PCNT: variants seen among roughly 807,000 people sequenced by gnomAD.
The protein encoded by PCNT is kendrin.
Under a neutral mutation model 380.4 loss-of-function variants are expected in PCNT, and 319 were observed. The observed-to-expected ratio is 0.84, with a 90% CI of 0.77 to 0.92. The LOEUF is 0.92. PCNT is among the 40% of genes least tolerant of loss of function. The pLI, the probability that PCNT is intolerant of heterozygous loss-of-function variation, is 0.00. For missense variants in PCNT, 4,400 were observed against 4,255.3 expected, an observed-to-expected ratio of 1.03 and a Z score of -0.95; for synonymous variants, 1,845 against 1,735.2, an observed-to-expected ratio of 1.06 and a Z score of -1.57.
chr21:46,359,170 C>T (rs1379673617), intron 13 of PCNT, among the ~76,000 whole-genome samples: 5 of 151,834 alleles, frequency 3.3e-5, no homozygotes, highest in Admixed American at 6.6e-5. Context: ...CCAGGCTGGT[C>T]TCAAACTCCT....
At position 46,430,610 on chromosome 21, in the gene PCNT, C is replaced by A; in HGVS notation, c.8017C>A (p.Gln2673Lys). The A allele has an allele frequency of 6.4e-7, 1 of 1,569,420 alleles. No homozygotes were observed. Among genetic ancestry groups the A allele is most frequent in the Non-Finnish European group, 8.6e-7 (1 of 1,157,832 alleles). ...CCTGCAGAGCCAGCTGGAGGAGGAG[C>A]AGCTGCGGCACCTGCAGAGGGAGAG... ...RALQSQLEEE[Q>K]LRHLQRESQS... The change falls in exon 37 of 47, where the codon CAG becomes AAG. Residue 2673 changes from glutamine (Q) to lysine (K), a missense_variant. Physicochemically the swap from Gln to Lys is moderately conservative, Grantham distance 53. Coordinates refer to ENST00000359568, the MANE Select transcript of PCNT (RefSeq NM_006031.6).
intron 2 of PCNT, among the ~76,000 whole-genome samples, chr21:46,328,953 T>C (rs2083473849): frequency 6.6e-6 from 1 of 151,846 alleles, no homozygotes; most frequent in African/African-American, 2.4e-5. Flanking sequence ...TTTGTATTTG[T>C]TTGGTTGAGA....
intron 26 of PCNT, 58 bp downstream of exon 26, chr21:46,401,779 C>T: frequency 6.5e-7 from 1 of 1,532,918 alleles, no homozygotes; most frequent in Non-Finnish European, 9.0e-7. Flanking sequence ...CAGTGGGCTT[C>T]TCTGTGGCAG....
At chr21:46,362,122 G>A (rs1471235408) in intron 13 of PCNT, among the ~76,000 whole-genome samples, 2 of 152,172 alleles carry the variant, frequency 1.3e-5, no homozygotes, top group Admixed American at 1.3e-4. Flanking sequence ...GCTGGGCTGC[G>A]GCATGGTGTT....
Position 46,440,298 on chromosome 21 carries a change from G to A in PCNT, c.9393+96G>A, listed in dbSNP as rs939295092. On this transcript the variant is annotated intron_variant, in intron 42 of 46. Transcript: ENST00000359568. Reference sequence around the variant, plus strand: ...GCATTTTTGTGACCACAAGGTTCTCGTCTGCCGGGTGTAGCAGTCACATCA... The same window carrying A: ...GCATTTTTGTGACCACAAGGTTCTCATCTGCCGGGTGTAGCAGTCACATCA... 1.1e-5 allele frequency: 14 copies of A among 1,320,534 alleles called. No homozygotes were observed. The Middle Eastern group carries it at 5.5e-4, about 52-fold the overall frequency. 81.8% of individuals were successfully genotyped at this position (1,320,534 alleles called of 1,614,324 possible).
chr21:46,411,900 T>C lies in PCNT; in HGVS notation c.5827T>C (p.Cys1943Arg). Reference sequence around the variant, plus strand: ...GGTGCTGCACCAGCGGTTCCTGAGGTGCCAGGTGGAGCTGGACAGGCGGCA... The same window carrying C: ...GGTGCTGCACCAGCGGTTCCTGAGGCGCCAGGTGGAGCTGGACAGGCGGCA... ...LQVLHQRFLR[C>R]QVELDRRQAR... Residue 1943 changes from cysteine to arginine, a missense_variant, in exon 28 of 47, where the codon TGC becomes CGC. By Grantham distance (180) the Cys-to-Arg change is radical. Coordinates refer to ENST00000359568, the MANE Select transcript of PCNT (RefSeq NM_006031.6). 6.3e-7 allele frequency: 1 copy of C among 1,581,912 alleles called. No individual in the cohort carries two copies. Among genetic ancestry groups the C allele is most frequent in the Non-Finnish European group, 8.5e-7 (1 of 1,171,924 alleles).
At chr21:46,392,692 G>C (rs564198756) in intron 21 of PCNT, among the ~76,000 whole-genome samples, 42 of 152,178 alleles carry the variant, frequency 2.8e-4, no homozygotes, top group Non-Finnish European at 5.9e-4. Context: ...TTTGGCCCAG[G>C]GGGCGTTTTC....
At chr21:46,340,273 G>A (rs2083875995) in intron 3 of PCNT, among the ~76,000 whole-genome samples, 1 of 152,134 alleles carries the variant, frequency 6.6e-6, no homozygotes, top group African/African-American at 2.4e-5. Flanking sequence ...CCTCCCACTG[G>A]GCCCCTCCCA....
At chr21:46,387,131 G>A (rs1056924363) in intron 17 of PCNT, among the ~76,000 whole-genome samples, 1 of 152,216 alleles carries the variant, frequency 6.6e-6, no homozygotes, top group East Asian at 1.9e-4. Flanking sequence ...CCCAGGGTCC[G>A]GAGACCAGGT....
rs761797755 is a variant in PCNT at position 46,431,802 on chromosome 21, G to C, written c.8338G>C (p.Val2780Leu). 50 of 1,613,424 alleles carry C rather than the reference G, an allele frequency of 3.1e-5. No individual in the cohort carries two copies. Among genetic ancestry groups the C allele is most frequent in the Non-Finnish European group, 4.1e-5 (48 of 1,180,056 alleles). Residue 2780 changes from valine (V) to leucine (L), a missense_variant, in exon 38 of 47, where the codon GTG becomes CTG. Val to Leu is a conservative substitution (Grantham distance 32). Transcript: ENST00000359568. ...GAGCCAGAGGACACAGGAGGCTTGC[G>C]TGCACCAGGACACACAGGCCCATCA... Reference protein sequence around the residue: ...QLSQRTQEACVHQDTQAHHAL... With the variant: ...QLSQRTQEACLHQDTQAHHAL...
At chr21:46,415,228 C>T (rs943639915) in intron 29 of PCNT, among the ~76,000 whole-genome samples, 26 of 152,292 alleles carry the variant, frequency 1.7e-4, no homozygotes, top group African/African-American at 5.5e-4. Context: ...GGCCTAGGCC[C>T]GCAGTTCTGA....
rs1055778185 is a variant in PCNT, at chr21:46,442,313, G to A, written c.9624-184G>A. 2.6e-5 allele frequency among the ~76,000 whole-genome samples: 4 copies of A among 152,246 alleles called. No homozygotes were observed. In the East Asian group the frequency reaches 7.8e-4, roughly 30 times the overall value. ...GTCGCCGCCGCCGGCAGCCCTGCGA[G>A]CACTTTGGATGTGTGCACCCGGCAT... is the stretch of plus-strand genomic sequence containing the variant. On this transcript the variant is annotated intron_variant, in intron 43 of 46. Coordinates refer to ENST00000359568, the MANE Select transcript of PCNT (RefSeq NM_006031.6).
chr21:46,374,702 A>G (rs2085275531), intron 15 of PCNT, among the ~76,000 whole-genome samples: 1 of 152,094 alleles, frequency 6.6e-6, no homozygotes, highest in Admixed American at 6.5e-5. Context: ...ATACAAAACT[A>G]GCCAGCCATG....
chr21:46,325,976 ATTTC>A (rs1209106745), intron 1 of PCNT, among the ~76,000 whole-genome samples: 5 of 152,196 alleles, frequency 3.3e-5, no homozygotes, highest in African/African-American at 1.2e-4. Flanking sequence ...TGGGCTATAT[ATTTC>A]TTCAGTTGGG....
intron 46 of PCNT, 85 bp from the exon 47 acceptor site, chr21:46,445,197 GAT>G: frequency 1.1e-6 from 1 of 891,620 alleles, no homozygotes; most frequent in Non-Finnish European, 1.9e-6. Context: ...TGAATTCAGT[GAT>G]AGTGTTTCAA....
intron 35 of PCNT, among the ~76,000 whole-genome samples, 185 bp from the exon 36 acceptor site, chr21:46,429,825 T>C (rs1214905090): frequency 6.6e-6 from 1 of 151,916 alleles, no homozygotes; most frequent in African/African-American, 2.4e-5. Context: ...TGGAAGGAAA[T>C]GGGCCCAGAG....
At chr21:46,361,658 C>T (rs986044299) in intron 13 of PCNT, among the ~76,000 whole-genome samples, 1 of 152,180 alleles carries the variant, frequency 6.6e-6, no homozygotes, top group Non-Finnish European at 1.5e-5. Flanking sequence ...ATTTCTGGTG[C>T]TCTTCATTTC....
chr21:46,397,370 C>G lies in PCNT; in HGVS notation c.4322C>G (p.Ser1441Cys), dbSNP rs1271611921. The change falls in exon 22 of 47, where the codon TCT becomes TGT. Residue 1441 changes from serine to cysteine, a missense_variant. By Grantham distance (112) the Ser-to-Cys change is moderately radical. Coordinates refer to ENST00000359568, the MANE Select transcript of PCNT (RefSeq NM_006031.6). ...CTCTCCCAGATGAAGATTTTGGAGT[C>G]TGAGTTAGAAGAACAGCTGTCTCAG... ...ALLSQMKILE[S>C]ELEEQLSQHR... 1 of 1,614,110 alleles carries G rather than the reference C, an allele frequency of 6.2e-7. No homozygotes were observed. Among genetic ancestry groups the G allele is most frequent in the Non-Finnish European group, 8.5e-7 (1 of 1,180,022 alleles).
chr21:46,325,246 G>C (rs61230637), intron 1 of PCNT: 12 of 972,526 alleles, frequency 1.2e-5, no homozygotes, highest in Non-Finnish European at 1.5e-5. Context: ...TTCTGGCTGG[G>C]GTGCTGGGGA....
Sources: gnomAD v4.1 joint callset for allele counts (sites outside exome capture counted in the v4.1 genomes callset) on GRCh38, gnomAD v4.1.1 for gene constraint, MANE v1.5 for transcripts, NCBI Gene and HGNC (gene_info 2026-07-23, HGNC 2026-07-21) for gene names.